PCDHGA6: variants seen among roughly 807,000 people sequenced by gnomAD.
The protein encoded by PCDHGA6 is protocadherin gamma subfamily A, 6.
Under a neutral mutation model 60.6 loss-of-function variants are expected in PCDHGA6, and 41 were observed. That is an observed-to-expected ratio of 0.68 (90% CI 0.53 to 0.88). The LOEUF (loss-of-function observed/expected upper bound fraction) is 0.88. PCDHGA6 is among the 40% of genes least tolerant of loss of function. The probability of loss-of-function intolerance (pLI) is 0.00; values close to 1 mark genes in which losing one functional copy is unlikely to be tolerated. For missense variants in PCDHGA6, 1,312 were observed against 1,203.0 expected (o/e 1.09, Z -1.34); for synonymous variants, 594 against 524.4 (o/e 1.13, Z -1.81).
chr5:141,444,329 G>T (rs536314842), intron 1 of PCDHGA6, among the ~76,000 whole-genome samples: 1 of 151,792 alleles, frequency 6.6e-6, no homozygotes, highest in Admixed American at 6.6e-5. Context: ...GTGCCACCAC[G>T]CCCAGCTAAT....
intron 1 of PCDHGA6, among the ~76,000 whole-genome samples, chr5:141,492,632 C>T (rs1359761285): frequency 1.3e-5 from 2 of 152,256 alleles, no homozygotes; most frequent in Admixed American, 1.3e-4. Context: ...CAGGACTCTA[C>T]GATCCTTGGG....
chr5:141,393,307 ACTC>A, intron 1 of PCDHGA6: 1 of 1,613,594 alleles, frequency 6.2e-7, no homozygotes, highest in East Asian at 2.2e-5. Flanking sequence ...GTGGGCGTGA[ACTC>A]CCTCCAGAGC....
chr5:141,510,833 C>G, intron 3 of PCDHGA6, 114 bp from the exon 4 acceptor site: 2 of 1,577,796 alleles, frequency 1.3e-6, no homozygotes, highest in Admixed American at 1.7e-5. Context: ...CAGTGCTCAG[C>G]GTGGTCAAGG....
intron 1 of PCDHGA6, among the ~76,000 whole-genome samples, chr5:141,401,573 G>A (rs372919699): frequency 4.6e-5 from 7 of 152,128 alleles, no homozygotes; most frequent in East Asian, 3.9e-4. Context: ...TCTCTTGCTC[G>A]GAATCCTGAC....
At chr5:141,409,471 AG>A in intron 1 of PCDHGA6, 1 of 1,613,978 alleles carries the variant, frequency 6.2e-7, no homozygotes, top group Non-Finnish European at 8.5e-7. Flanking sequence ...TCACCATCGT[AG>A]CCACTGACAG....
Position 141,431,132 on chromosome 5 carries a change from G to A in PCDHGA6, c.2424+54625G>A. On this transcript the variant is annotated intron_variant, in intron 1 of 3. Coordinates refer to ENST00000517434, the MANE Select transcript of PCDHGA6 (RefSeq NM_018919.3). This position sits in a 1 kb window ranked among gnomAD's most constrained non-coding sequence, Gnocchi z 4.8. ...ATATGGAGTAGAAGTAGAAGTAAGGGACATTAACGACAATGCGCCTTACTT... is the reference window on the plus strand; with the variant it reads ...ATATGGAGTAGAAGTAGAAGTAAGGAACATTAACGACAATGCGCCTTACTT... 2 of 1,614,232 alleles carry A rather than the reference G, an allele frequency of 1.2e-6. No individual in the cohort carries two copies. The highest frequency in any genetic ancestry group is 8.5e-7 in the Non-Finnish European group (1 of 1,180,024).
Position 141,376,304 on chromosome 5 carries a change from G to T in PCDHGA6, c.2221G>T (p.Val741Leu). The T allele has an allele frequency of 6.2e-7, 1 of 1,614,218 alleles. No homozygotes were observed. Among genetic ancestry groups the T allele is most frequent in the Non-Finnish European group, 8.5e-7 (1 of 1,180,044 alleles). ...GLASMPGSHF[V>L]GVEGVRAFLQ... ...AGCGAGCATGCCCGGCTCGCACTTTGTGGGCGTGGAAGGGGTTCGGGCTTT... is the reference window on the plus strand; with the variant it reads ...AGCGAGCATGCCCGGCTCGCACTTTTTGGGCGTGGAAGGGGTTCGGGCTTT... The change falls in exon 1 of 4, where the codon GTG becomes TTG. Residue 741 changes from valine (V) to leucine (L), a missense_variant. Coordinates refer to ENST00000517434, the MANE Select transcript of PCDHGA6 (RefSeq NM_018919.3).
In PCDHGA6 at chr5:141,432,540, T is replaced by C. The variant is rs147884705; in HGVS notation, c.2424+56033T>C. The C allele has an allele frequency of 1.2e-6, 2 of 1,613,726 alleles. No homozygotes were observed. The highest frequency in any genetic ancestry group is 2.2e-5 in the South Asian group (2 of 91,058). On this transcript the variant is annotated intron_variant, in intron 1 of 3. Transcript: ENST00000517434. The surrounding 1 kb of genome is among the most constrained non-coding windows in gnomAD (Gnocchi z 6.0). ...TACCTGGTGACCAAGGTGGTGGCGG[T>C]GGACAGAGACTCCGGCCAGAACGCC...
chr5:141,432,427 C>G lies in PCDHGA6; in HGVS notation c.2424+55920C>G. 5 of 1,614,242 alleles carry G rather than the reference C, an allele frequency of 3.1e-6. No homozygotes were observed. The highest frequency in any genetic ancestry group is 4.2e-6 in the Non-Finnish European group (5 of 1,180,036). On this transcript the variant is annotated intron_variant, in intron 1 of 3. Transcript: ENST00000517434. The surrounding 1 kb of genome is among the most constrained non-coding windows in gnomAD (Gnocchi z 6.0). ...TGAGCCTGTTCGTGCTGGACCAGAA[C>G]GACAATGCGCCCGAGATCCTGTACC... is the stretch of plus-strand genomic sequence containing the variant.
In PCDHGA6 at chr5:141,461,259, T is replaced by C. The variant is rs114101293; in HGVS notation, c.2425-33548T>C. Among the ~76,000 whole-genome samples the C allele has an allele frequency of 4.2e-3, 640 of 152,290 alleles. 5 individuals are homozygous for C. The highest frequency in any genetic ancestry group is 0.015 in the African/African-American group (623 of 41,554). On this transcript the variant is annotated intron_variant, in intron 1 of 3. Coordinates refer to ENST00000517434, the MANE Select transcript of PCDHGA6 (RefSeq NM_018919.3). ...TACTAATTTATATTCCCAGCAGCAA[T>C]GTGTAAGTGTTCTCTTTTCCCCACA...
At chr5:141,408,896 G>A (rs1441378199) in intron 1 of PCDHGA6, 5 of 1,613,328 alleles carry the variant, frequency 3.1e-6, no homozygotes, top group East Asian at 2.2e-5. Flanking sequence ...AGAAATTTCT[G>A]TCAAGGATAC....
intron 1 of PCDHGA6, among the ~76,000 whole-genome samples, chr5:141,442,680 A>C (rs2098335997): frequency 6.6e-6 from 1 of 152,270 alleles, no homozygotes; most frequent in Non-Finnish European, 1.5e-5. Flanking sequence ...CTTGAGGGAC[A>C]GTAGTCAGGC....
rs199658498 is a variant in PCDHGA6 at position 141,394,428 on chromosome 5, G to C, written c.2424+17921G>C. 4 of 1,614,114 alleles carry C rather than the reference G, an allele frequency of 2.5e-6. No individual in the cohort carries two copies. In the East Asian group the frequency reaches 6.7e-5, roughly 27 times the overall value. ...ACTGGTAACAGCCAGCGACAGCGGGGACCCGCCCCTCAGCAGCAACATGTC... is the reference window on the plus strand; with the variant it reads ...ACTGGTAACAGCCAGCGACAGCGGGCACCCGCCCCTCAGCAGCAACATGTC... On this transcript the variant is annotated intron_variant, in intron 1 of 3. Coordinates refer to ENST00000517434, the MANE Select transcript of PCDHGA6 (RefSeq NM_018919.3).
At chr5:141,453,464 C>A (rs186131587) in intron 1 of PCDHGA6, among the ~76,000 whole-genome samples, 16 of 152,090 alleles carry the variant, frequency 1.1e-4, no homozygotes, top group Non-Finnish European at 1.9e-4. Flanking sequence ...AAAACATTAA[C>A]ATAAAGTCAA....
intron 2 of PCDHGA6, among the ~76,000 whole-genome samples, chr5:141,501,877 A>G (rs1267260445): frequency 1.3e-5 from 2 of 151,690 alleles, no homozygotes; most frequent in East Asian, 3.9e-4. Flanking sequence ...GCCTCCTTAC[A>G]CTCCTGATCA....
At chr5:141,507,786 GTCTAAGCC>G (rs1279265471) in intron 3 of PCDHGA6, among the ~76,000 whole-genome samples, 1 of 152,174 alleles carries the variant, frequency 6.6e-6, no homozygotes, top group Admixed American at 6.5e-5. Flanking sequence ...CCTGACCCTC[GTCTAAGCC>G]TGCGCCCTGG....
chr5:141,494,818 C>T lies in PCDHGA6; in HGVS notation c.2436C>T (p.Pro812=). The part of the protein sequence containing the change: ...GEPRQLQQAP[P]NTDWRFSQAQ... ...TGTTTTCTCCACAGCAAGCCCCGCCCAACACGGACTGGCGTTTCTCTCAGG... is the reference window on the plus strand; with the variant it reads ...TGTTTTCTCCACAGCAAGCCCCGCCTAACACGGACTGGCGTTTCTCTCAGG... Residue 812 remains proline (P), a synonymous_variant, in exon 2 of 4, where the codon CCC becomes CCT. Transcript: ENST00000517434. 1.9e-6 allele frequency: 3 copies of T among 1,614,152 alleles called. No homozygotes were observed. The highest frequency in any genetic ancestry group is 2.2e-5 in the South Asian group (2 of 91,074).
intron 1 of PCDHGA6, chr5:141,403,476 A>T: frequency 6.2e-7 from 1 of 1,613,972 alleles, no homozygotes; most frequent in Non-Finnish European, 8.5e-7. Flanking sequence ...CTCAGCCCCA[A>T]TCACCACTTC....
chr5:141,426,513 CG>C, intron 1 of PCDHGA6: 1 of 341,148 alleles, frequency 2.9e-6, no homozygotes, highest in Non-Finnish European at 5.8e-6. Flanking sequence ...AATACTTTAC[CG>C]TGAACACGGA....
Sources: allele counts gnomAD v4.1 joint callset (sites outside exome capture counted in the v4.1 genomes callset), GRCh38; gene constraint gnomAD v4.1.1; non-coding constraint Gnocchi (gnomAD v3.1); transcripts MANE v1.5; gene names NCBI Gene and HGNC (gene_info 2026-07-23, HGNC 2026-07-21).